Variants in RAD51B observed in about 807,000 individuals in gnomAD.
The protein encoded by RAD51B is RAD51 paralog B.
Under a neutral mutation model 42.2 loss-of-function variants are expected in RAD51B, and 38 were observed. The observed-to-expected ratio is 0.90, with a 90% CI of 0.70 to 1.18. RAD51B has a LOEUF of 1.18. Ranked by LOEUF, RAD51B falls within the 50% of genes most tolerant of loss-of-function variation. RAD51B has a pLI of 0.00. For missense variants in RAD51B, 373 were observed against 400.7 expected (o/e 0.93, Z 0.59); for synonymous variants, 154 against 145.2 (o/e 1.06, Z -0.43).
intron 10 of RAD51B, among the ~76,000 whole-genome samples, chr14:68,525,028 A>AG (rs1302120802): frequency 6.9e-6 from 1 of 144,870 alleles, no homozygotes; most frequent in Non-Finnish European, 1.6e-5. Flanking sequence ...GAATTAAGGA[A>AG]GCAAAAAAGG....
chr14:68,543,848 G>T (rs1888089882), intron 10 of RAD51B, among the ~76,000 whole-genome samples: 1 of 152,216 alleles, frequency 6.6e-6, no homozygotes, highest in Non-Finnish European at 1.5e-5. Context: ...CCCTATGAAT[G>T]ATATAACTGG....
chr14:67,988,691 A>G (rs1454929180), intron 7 of RAD51B, among the ~76,000 whole-genome samples: 2 of 152,146 alleles, frequency 1.3e-5, no homozygotes, highest in Middle Eastern at 3.2e-3. Flanking sequence ...GATTCACTGA[A>G]TTGTGTGAAT....
intron 7 of RAD51B, among the ~76,000 whole-genome samples, chr14:68,167,878 A>G (rs906377757): frequency 6.6e-6 from 1 of 152,204 alleles, no homozygotes; most frequent in Non-Finnish European, 1.5e-5. Context: ...TAATTTTTAA[A>G]ACAAGCTTAT....
chr14:68,468,732 C>T (rs2086048035), intron 10 of RAD51B: 1 of 301,732 alleles, frequency 3.3e-6, no homozygotes, highest in Non-Finnish European at 6.5e-6. Context: ...TATCTTGTTT[C>T]CTTTTCCTGT....
intron 7 of RAD51B, among the ~76,000 whole-genome samples, chr14:68,091,105 T>G (rs1170210590): frequency 1.3e-5 from 2 of 152,186 alleles, no homozygotes; most frequent in Non-Finnish European, 2.9e-5. Context: ...CTATCATTGT[T>G]GGACATTTGG....
intron 7 of RAD51B, among the ~76,000 whole-genome samples, chr14:68,237,622 C>T (rs555480023): frequency 3.9e-5 from 6 of 151,998 alleles, no homozygotes; most frequent in African/African-American, 1.4e-4. Context: ...GCAAACACTG[C>T]TTTCTGTCTC....
At chr14:68,432,606 A>T (rs1029276037) in intron 9 of RAD51B, among the ~76,000 whole-genome samples, 3 of 152,134 alleles carry the variant, frequency 2.0e-5, no homozygotes, top group Non-Finnish European at 4.4e-5. Flanking sequence ...TTTGCTTGGT[A>T]GATCTTCCTC....
At chr14:68,330,662 A>G (rs1386938163) in intron 8 of RAD51B, among the ~76,000 whole-genome samples, 1 of 152,254 alleles carries the variant, frequency 6.6e-6, no homozygotes, top group Non-Finnish European at 1.5e-5. Flanking sequence ...AGAAGCAAAT[A>G]TTGTATATAG....
intron 8 of RAD51B, among the ~76,000 whole-genome samples, chr14:68,367,181 C>T (rs2083159339): frequency 1.3e-5 from 2 of 152,316 alleles, no homozygotes; most frequent in South Asian, 4.1e-4. Context: ...AACCCGAAAG[C>T]CTCTTCAAAA....
chr14:68,531,431 T>A (rs1259972705), intron 10 of RAD51B, among the ~76,000 whole-genome samples: 2 of 152,080 alleles, frequency 1.3e-5, no homozygotes, highest in Non-Finnish European at 2.9e-5. Context: ...CACAAAATGC[T>A]AACCAAAAGA....
intron 10 of RAD51B, chr14:68,561,867 C>T: frequency 2.5e-6 from 2 of 787,228 alleles, no homozygotes; most frequent in Non-Finnish European, 3.1e-6. Context: ...GTAGTTTCCT[C>T]TGCTGGAAAA....
chr14:68,087,641 C>T (rs1180690084), intron 7 of RAD51B, among the ~76,000 whole-genome samples: 3 of 151,194 alleles, frequency 2.0e-5, no homozygotes, highest in Admixed American at 1.3e-4. Context: ...CCTTGAACAT[C>T]CTGTGAGGAT....
intron 8 of RAD51B, among the ~76,000 whole-genome samples, chr14:68,388,054 TTG>T (rs140319319): frequency 0.4 from 46,902 of 118,580 alleles, 10,745 homozygotes; most frequent in Admixed American, 0.52. Flanking sequence ...GTGACTTGCA[TTG>T]TGTGTGTGTG....
intron 7 of RAD51B, among the ~76,000 whole-genome samples, chr14:68,028,953 T>A (rs1334478703): frequency 6.6e-6 from 1 of 152,200 alleles, no homozygotes. Flanking sequence ...GTCTACTCCC[T>A]GGGCATATCC....
intron 7 of RAD51B, among the ~76,000 whole-genome samples, chr14:68,119,425 G>A (rs963725790): frequency 1.4e-5 from 2 of 148,130 alleles, no homozygotes; most frequent in Non-Finnish European, 3.0e-5. Flanking sequence ...CCATTAACTC[G>A]TCATTTAGCA....
intron 7 of RAD51B, among the ~76,000 whole-genome samples, chr14:68,221,028 G>C (rs2079915972): frequency 6.6e-6 from 1 of 152,174 alleles, no homozygotes; most frequent in Non-Finnish European, 1.5e-5. Context: ...TTACTCAGGA[G>C]GCTGAGGCAG....
intron 7 of RAD51B, among the ~76,000 whole-genome samples, chr14:68,067,931 C>CA (rs913150528): frequency 0.093 from 2,274 of 24,566 alleles, 314 homozygotes; most frequent in African/African-American, 0.13. Flanking sequence ...GACTCCATCT[C>CA]AAAAAAAAAA....
At chr14:68,448,128 A>G (rs4899242) in intron 9 of RAD51B, among the ~76,000 whole-genome samples, 20,179 of 152,216 alleles carry the variant, frequency 0.13, 1,622 homozygotes, top group East Asian at 0.47. Flanking sequence ...AGGCTTTGGA[A>G]AGTAGATACT....
At chr14:68,610,880 T>C in intron 10 of RAD51B, 1 of 435,672 alleles carries the variant, frequency 2.3e-6, no homozygotes, top group Non-Finnish European at 4.3e-6. Flanking sequence ...TGTGTGTGTG[T>C]GTGTGTCATC....
Sources: gnomAD v4.1 joint callset for allele counts (sites outside exome capture counted in the v4.1 genomes callset) on GRCh38, gnomAD v4.1.1 for gene constraint, MANE v1.5 for transcripts, NCBI Gene and HGNC (gene_info 2026-07-23, HGNC 2026-07-21) for gene names.